The following C6 variants were observed in gnomAD, a reference collection of about 807,000 sequenced individuals.
The protein encoded by C6 is complement component C6.
C6 carries 101 observed loss-of-function variants against 112.9 expected under a neutral mutation model. The ratio of observed to expected loss-of-function variants is 0.89; its 90% CI spans 0.76 to 1.06. C6 has a LOEUF of 1.06. Among genes scored for constraint, C6 ranks in the 50% least tolerant of loss-of-function variants. C6 has a pLI of 0.00. For missense variants in C6, 1,202 were observed against 1,104.6 expected (o/e 1.09, Z -1.25); for synonymous variants, 431 against 384.1 (o/e 1.12, Z -1.43).
intron 6 of C6, 52 bp from the exon 7 acceptor site, chr5:41,181,611 A>T (rs1315823019): frequency 1.5e-6 from 2 of 1,354,704 alleles, no homozygotes; most frequent in Admixed American, 3.6e-5. Flanking sequence ...TACTGGAGCG[A>T]CTTGTGGATA....
chr5:41,172,324 G>A lies in C6; in HGVS notation c.1192C>T (p.His398Tyr). The A allele has an allele frequency of 1.2e-6, 2 of 1,613,620 alleles. No homozygotes were observed. Among genetic ancestry groups the A allele is most frequent in the Non-Finnish European group, 1.7e-6 (2 of 1,179,740 alleles). Residue 398 changes from histidine (H) to tyrosine (Y), a missense_variant, in exon 9 of 18, where the codon CAC becomes TAC. Coordinates refer to ENST00000337836, the MANE Select transcript of C6 (RefSeq NM_000065.5). ...TTCTTTGTTTCAATCCTGACACAGTGTTTGGCTTCTTCCTCGGTTAAACCT... is the reference window on the plus strand; with the variant it reads ...TTCTTTGTTTCAATCCTGACACAGTATTTGGCTTCTTCCTCGGTTAAACCT... ...NSGLTEEEAK[H>Y]CVRIETKKRV...
At chr5:41,223,502 A>C (rs1739303205) in intron 1 of C6, among the ~76,000 whole-genome samples, 1 of 152,122 alleles carries the variant, frequency 6.6e-6, no homozygotes, top group African/African-American at 2.4e-5. Context: ...TAAAGGATAA[A>C]TTGAAATACC....
intron 7 of C6, among the ~76,000 whole-genome samples, chr5:41,179,299 T>G (rs1749122836): frequency 6.6e-6 from 1 of 152,150 alleles, no homozygotes; most frequent in Non-Finnish European, 1.5e-5. Context: ...CATATAAGGG[T>G]TTTACAAACG....
chr5:41,217,976 T>C (rs1181985927), upstream of C6, among the ~76,000 whole-genome samples: 4 of 152,126 alleles, frequency 2.6e-5, no homozygotes, highest in Non-Finnish European at 4.4e-5. Context: ...ATCTAATGTT[T>C]TGGTAGCATT....
At chr5:41,181,637 A>C in intron 6 of C6, 78 bp from the exon 7 acceptor site, 1 of 1,132,556 alleles carries the variant, frequency 8.8e-7, no homozygotes, top group South Asian at 1.3e-5. Flanking sequence ...TGAAATGATG[A>C]TTTATTTATT....
chr5:41,179,489 G>A (rs902894921), intron 7 of C6, among the ~76,000 whole-genome samples: 2 of 151,790 alleles, frequency 1.3e-5, no homozygotes, highest in African/African-American at 4.8e-5. Flanking sequence ...AATAAAAAAG[G>A]CCATATTCCC....
At chr5:41,150,056 A>C (rs763313393) in intron 15 of C6, 31 bp from the exon 16 acceptor site, 17 of 1,331,532 alleles carry the variant, frequency 1.3e-5, no homozygotes, top group Non-Finnish European at 1.7e-5. Flanking sequence ...AGAAAAGAAC[A>C]GTGCACAGCA....
intron 7 of C6, among the ~76,000 whole-genome samples, chr5:41,179,826 A>G (rs567057924): frequency 9.9e-5 from 15 of 151,132 alleles, no homozygotes; most frequent in African/African-American, 3.4e-4. Flanking sequence ...GAATGAATAA[A>G]GAGTCAAATA....
intron 6 of C6, 107 bp downstream of exon 6, chr5:41,185,963 T>C (rs912332517): frequency 2.2e-6 from 3 of 1,341,982 alleles, no homozygotes; most frequent in Non-Finnish European, 3.2e-6. Flanking sequence ...TTAAAATGGT[T>C]CACCACCTTT....
chr5:41,192,580 T>A (rs1750300645), intron 5 of C6, among the ~76,000 whole-genome samples: 3 of 152,128 alleles, frequency 2.0e-5, no homozygotes, highest in Non-Finnish European at 4.4e-5. Flanking sequence ...GTTTTCTATT[T>A]CTTCTTGATT....
At chr5:41,212,030 T>A (rs1694300728) in intron 1 of C6, among the ~76,000 whole-genome samples, 1 of 152,194 alleles carries the variant, frequency 6.6e-6, no homozygotes, top group Non-Finnish European at 1.5e-5. Context: ...ATATGGAGCC[T>A]GATATAAATT....
chr5:41,222,405 T>A (rs1288111943), intron 1 of C6, among the ~76,000 whole-genome samples: 1 of 151,972 alleles, frequency 6.6e-6, no homozygotes, highest in Admixed American at 6.6e-5. Flanking sequence ...CATTCTGAAG[T>A]TTGCATTAAA....
At chr5:41,222,231 G>A (rs1739220002) in intron 1 of C6, among the ~76,000 whole-genome samples, 1 of 151,284 alleles carries the variant, frequency 6.6e-6, no homozygotes, top group South Asian at 2.1e-4. Flanking sequence ...AAAGTTAATA[G>A]TTTTGAAAAC....
chr5:41,256,442 G>GAAA (rs1339125637), intron 1 of C6, among the ~76,000 whole-genome samples: 3 of 59,144 alleles, frequency 5.1e-5, no homozygotes, highest in Non-Finnish European at 9.9e-5. Context: ...AAAAAAAAAA[G>GAAA]TAAAAAAAAA....
chr5:41,214,516 A>G (rs1752124225), upstream of C6, among the ~76,000 whole-genome samples: 1 of 152,126 alleles, frequency 6.6e-6, no homozygotes, highest in Non-Finnish European at 1.5e-5. Context: ...TCTCTCTTAT[A>G]CTACATTGAG....
chr5:41,210,725 A>C (rs1478286629), intron 1 of C6, among the ~76,000 whole-genome samples: 1 of 152,198 alleles, frequency 6.6e-6, no homozygotes, highest in Non-Finnish European at 1.5e-5. Flanking sequence ...GATCATTAAA[A>C]AGTGAGGAAA....
chr5:41,232,922 T>C (rs1739999107), intron 1 of C6, among the ~76,000 whole-genome samples: 2 of 152,064 alleles, frequency 1.3e-5, no homozygotes, highest in Non-Finnish European at 2.9e-5. Flanking sequence ...GTCTACTCTT[T>C]CTGTAAACCC....
chr5:41,212,499 T>A (rs1752010730), intron 1 of C6, among the ~76,000 whole-genome samples: 1 of 152,182 alleles, frequency 6.6e-6, no homozygotes, highest in African/African-American at 2.4e-5. Context: ...TCTCTGAATT[T>A]TTTTGTTATG....
At chr5:41,143,888 T>G (rs1396380526) in intron 17 of C6, among the ~76,000 whole-genome samples, 2 of 152,240 alleles carry the variant, frequency 1.3e-5, no homozygotes, top group South Asian at 4.1e-4. Context: ...CTTATGTTCA[T>G]GAAATAGGTT....
Sources: gnomAD v4.1 joint callset for allele counts (sites outside exome capture counted in the v4.1 genomes callset) on GRCh38, gnomAD v4.1.1 for gene constraint, MANE v1.5 for transcripts, NCBI Gene and HGNC (gene_info 2026-07-23, HGNC 2026-07-21) for gene names.